The following AGBL4 variants were observed in gnomAD, a reference collection of about 807,000 sequenced individuals.
The protein encoded by AGBL4 is cytosolic carboxypeptidase 6.
Under a neutral mutation model 66.4 loss-of-function variants are expected in AGBL4, and 58 were observed. That is an observed-to-expected ratio of 0.87 (90% CI 0.71 to 1.09). The LOEUF is 1.09. AGBL4 is among the 50% of genes least tolerant of loss of function. AGBL4 has a pLI of 0.00. For missense variants in AGBL4, 579 were observed against 631.0 expected, an observed-to-expected ratio of 0.92 and a Z score of 0.88; for synonymous variants, 234 against 222.9, an observed-to-expected ratio of 1.05 and a Z score of -0.44.
chr1:48,591,841 C>G (rs544070275), intron 9 of AGBL4, among the ~76,000 whole-genome samples: 14 of 152,214 alleles, frequency 9.2e-5, no homozygotes, highest in Non-Finnish European at 1.5e-5. Flanking sequence ...TTTCTTGGTT[C>G]TTATGGTATT....
intron 2 of AGBL4, among the ~76,000 whole-genome samples, chr1:49,785,469 A>G (rs1255088377): frequency 6.6e-6 from 1 of 151,992 alleles, no homozygotes; most frequent in Non-Finnish European, 1.5e-5. Flanking sequence ...TTACAAATAA[A>G]AATTTTAATT....
chr1:49,926,640 AG>A (rs1343100827), intron 1 of AGBL4, among the ~76,000 whole-genome samples: 1 of 152,238 alleles, frequency 6.6e-6, no homozygotes, highest in African/African-American at 2.4e-5. Context: ...GGTAACTCAA[AG>A]AAATCTAAGA....
At chr1:49,183,567 GCTC>G (rs1438740255) in intron 4 of AGBL4, among the ~76,000 whole-genome samples, 5 of 151,992 alleles carry the variant, frequency 3.3e-5, no homozygotes, top group African/African-American at 1.2e-4. Context: ...CACTTCCAAA[GCTC>G]CTCATCATCT....
intron 6 of AGBL4, among the ~76,000 whole-genome samples, chr1:48,718,303 T>C (rs935381652): frequency 6.6e-6 from 1 of 152,132 alleles, no homozygotes; most frequent in African/African-American, 2.4e-5. Context: ...CTGGGCCCTG[T>C]GGAGGGCAGC....
At chr1:49,289,476 A>G (rs1038583375) in intron 3 of AGBL4, among the ~76,000 whole-genome samples, 5 of 152,214 alleles carry the variant, frequency 3.3e-5, no homozygotes, top group African/African-American at 7.2e-5. Context: ...TAGTGTTTGA[A>G]GACAGTATAA....
intron 4 of AGBL4, among the ~76,000 whole-genome samples, chr1:49,146,350 A>G: frequency 6.6e-6 from 1 of 152,304 alleles, no homozygotes; most frequent in East Asian, 1.9e-4. Flanking sequence ...TTGTACCAAA[A>G]TATCTCATAT....
intron 3 of AGBL4, among the ~76,000 whole-genome samples, chr1:49,415,552 G>A (rs1199912607): frequency 6.6e-6 from 1 of 152,014 alleles, no homozygotes; most frequent in Non-Finnish European, 1.5e-5. Flanking sequence ...AATGTAGGGA[G>A]GATGAGGGAA....
intron 5 of AGBL4, among the ~76,000 whole-genome samples, chr1:48,962,953 A>T (rs1425258724): frequency 6.6e-6 from 1 of 151,508 alleles, no homozygotes; most frequent in Admixed American, 6.6e-5. Context: ...ATCCACTAAG[A>T]TGTTTAAAAC....
At chr1:49,797,147 A>G (rs1644751498) in intron 2 of AGBL4, among the ~76,000 whole-genome samples, 1 of 152,196 alleles carries the variant, frequency 6.6e-6, no homozygotes, top group Admixed American at 6.6e-5. Flanking sequence ...TAAAATAACG[A>G]TATTAGTAAA....
chr1:49,716,198 T>A (rs1648119577), intron 2 of AGBL4, among the ~76,000 whole-genome samples: 1 of 152,150 alleles, frequency 6.6e-6, no homozygotes, highest in African/African-American at 2.4e-5. Flanking sequence ...ACATCACTTA[T>A]TAAATAGGGA....
chr1:49,978,678 A>G (rs953398827), intron 1 of AGBL4, among the ~76,000 whole-genome samples: 8 of 152,220 alleles, frequency 5.3e-5, no homozygotes, highest in Non-Finnish European at 1.0e-4. Context: ...ACACACATAT[A>G]CCATTTTAGT....
chr1:48,821,171 G>T (rs992717707), intron 6 of AGBL4, among the ~76,000 whole-genome samples: 6 of 152,146 alleles, frequency 3.9e-5, no homozygotes, highest in African/African-American at 1.4e-4. Context: ...TAACATCTAT[G>T]AAAAACAGTA....
At chr1:49,745,023 C>T (rs953384175) in intron 2 of AGBL4, among the ~76,000 whole-genome samples, 19 of 151,886 alleles carry the variant, frequency 1.3e-4, no homozygotes, top group African/African-American at 4.6e-4. Flanking sequence ...ATATACAGAA[C>T]ACAAATAATA....
At chr1:49,389,961 T>C (rs1463672015) in intron 3 of AGBL4, among the ~76,000 whole-genome samples, 4 of 152,186 alleles carry the variant, frequency 2.6e-5, no homozygotes, top group Non-Finnish European at 4.4e-5. Context: ...AGGAGAAAGA[T>C]TGTCATTCTC....
At chr1:49,521,283 A>AC (rs1215792421) in intron 3 of AGBL4, among the ~76,000 whole-genome samples, 25 of 152,254 alleles carry the variant, frequency 1.6e-4, no homozygotes, top group African/African-American at 5.8e-4. Flanking sequence ...TATGGTACAA[A>AC]AAAGAGCCTG....
intron 2 of AGBL4, among the ~76,000 whole-genome samples, chr1:49,834,580 T>C (rs1334156684): frequency 6.6e-6 from 1 of 152,210 alleles, no homozygotes; most frequent in Non-Finnish European, 1.5e-5. Flanking sequence ...CTCCTTCAGT[T>C]CTGCTCTGAT....
chr1:48,871,893 G>A (rs995840092), intron 5 of AGBL4, among the ~76,000 whole-genome samples: 4 of 152,008 alleles, frequency 2.6e-5, no homozygotes, highest in Non-Finnish European at 5.9e-5. Context: ...CTTCTCCAAA[G>A]GTAGAAGTCC....
intron 3 of AGBL4, among the ~76,000 whole-genome samples, chr1:49,375,210 A>AG (rs912847179): frequency 6.6e-6 from 1 of 152,114 alleles, no homozygotes; most frequent in African/African-American, 2.4e-5. Context: ...CCTGCCCTTA[A>AG]GAAGGTTGTC....
intron 2 of AGBL4, among the ~76,000 whole-genome samples, chr1:49,827,164 T>C (rs986486685): frequency 2.0e-5 from 3 of 152,182 alleles, no homozygotes; most frequent in Admixed American, 6.5e-5. Context: ...CAATGATTTG[T>C]TGCCCTCTGA....
Sources: allele counts gnomAD v4.1 joint callset (sites outside exome capture counted in the v4.1 genomes callset), GRCh38; gene constraint gnomAD v4.1.1; transcripts MANE v1.5; gene names NCBI Gene and HGNC (gene_info 2026-07-23, HGNC 2026-07-21).